Variants in DAB1 observed in about 807,000 individuals in gnomAD.
DAB1 encodes the protein disabled homolog 1.
A neutral mutation model predicts 64.6 loss-of-function variants in DAB1; 15 were observed. The observed-to-expected ratio is 0.23, with a 90% CI of 0.16 to 0.36. The LOEUF is 0.36. Ranked by LOEUF, DAB1 falls within the 10% of genes least tolerant of loss-of-function variation. The pLI, the probability that DAB1 is intolerant of heterozygous loss-of-function variation, is 1.00. For missense variants in DAB1, 596 were observed against 706.7 expected, an observed-to-expected ratio of 0.84 and a Z score of 1.78; for synonymous variants, 235 against 251.9, an observed-to-expected ratio of 0.93 and a Z score of 0.64.
intron 5 of DAB1, among the ~76,000 whole-genome samples, chr1:58,102,789 A>G (rs1393524634): frequency 6.6e-6 from 1 of 152,218 alleles, no homozygotes; most frequent in Non-Finnish European, 1.5e-5. Context: ...CTCTCGACCA[A>G]TCATTTTCAC....
At chr1:57,484,734 C>A (rs947028809) in intron 7 of DAB1, among the ~76,000 whole-genome samples, 2 of 151,812 alleles carry the variant, frequency 1.3e-5, no homozygotes, top group South Asian at 4.2e-4. Context: ...GCTAAGGTAA[C>A]CCAGGGAGAG....
chr1:57,319,108 A>G (rs1004917929), intron 1 of DAB1, among the ~76,000 whole-genome samples: 7 of 152,088 alleles, frequency 4.6e-5, no homozygotes, highest in African/African-American at 1.7e-4. Context: ...ATCTTATTGA[A>G]CCACCTTGTC....
intron 5 of DAB1, among the ~76,000 whole-genome samples, chr1:58,029,914 A>C (rs758086575): frequency 3.9e-5 from 6 of 152,218 alleles, no homozygotes; most frequent in Non-Finnish European, 7.3e-5. Context: ...GGATACAAAA[A>C]GTATGAATCG....
intron 2 of DAB1, among the ~76,000 whole-genome samples, chr1:57,204,400 C>A (rs2100291137): frequency 6.6e-6 from 1 of 150,696 alleles, no homozygotes; most frequent in Non-Finnish European, 1.5e-5. Context: ...TAAGGCACCT[C>A]CACAGACCTA....
chr1:58,441,231 C>T (rs1441384294), intron 3 of DAB1, among the ~76,000 whole-genome samples: 2 of 152,176 alleles, frequency 1.3e-5, no homozygotes, highest in African/African-American at 2.4e-5. Flanking sequence ...GGATAGATGC[C>T]ACGAACTCAG....
intron 2 of DAB1, among the ~76,000 whole-genome samples, chr1:57,189,157 C>T (rs1423681241): frequency 6.6e-6 from 1 of 152,180 alleles, no homozygotes; most frequent in Non-Finnish European, 1.5e-5. Context: ...CTACCCCTTG[C>T]AATCTGATTT....
At position 57,708,701 on chromosome 1, in the gene DAB1, C is replaced by T. The variant is rs141020931; in HGVS notation, n.552-59036G>A. Among the ~76,000 whole-genome samples the T allele has an allele frequency of 1.2e-4, 19 of 152,276 alleles. No individual in the cohort carries two copies. In the East Asian group the frequency reaches 3.3e-3, roughly 26 times the overall value. On this transcript the variant is annotated intron_variant and non_coding_transcript_variant, in intron 6 of 20. Coordinates refer to the DAB1 transcript ENST00000485760. ...GGTGCCAGCAGAATTCTGCCCTTTG[C>T]TATGTTCCACTGTGATACGACAGTA...
At chr1:58,157,137 C>T (rs780523144) in intron 4 of DAB1, among the ~76,000 whole-genome samples, 40 of 152,182 alleles carry the variant, frequency 2.6e-4, no homozygotes, top group Non-Finnish European at 1.5e-4. Flanking sequence ...CCATTTCCCT[C>T]AACCCCTGTG....
chr1:58,090,735 C>A (rs1191900512), intron 5 of DAB1, among the ~76,000 whole-genome samples: 1 of 152,130 alleles, frequency 6.6e-6, no homozygotes. Flanking sequence ...CTTGGCTGGG[C>A]ACACCAACAA....
chr1:58,407,772 G>T (rs1164484502), intron 3 of DAB1, among the ~76,000 whole-genome samples: 1 of 152,062 alleles, frequency 6.6e-6, no homozygotes, highest in Non-Finnish European at 1.5e-5. Flanking sequence ...TCCCCATCTT[G>T]TCCCCTGAAA....
chr1:57,111,196 T>C lies in DAB1; in HGVS notation c.306+25347A>G, dbSNP rs715848. Among the ~76,000 whole-genome samples the C allele has an allele frequency of 4.7e-4, 72 of 152,148 alleles. 2 individuals carry two copies. The East Asian group carries it at 0.011, about 23-fold the overall frequency. On this transcript the variant is annotated intron_variant, in intron 4 of 14. Coordinates refer to ENST00000371236, the MANE Select transcript of DAB1 (RefSeq NM_001365792.1). ...ATTGTCCAGCAGAGGAAGGAAAGGT[T>C]GACACACCCATACCCTGAGCCCCTC...
chr1:57,141,008 G>A (rs1181126737), intron 3 of DAB1, among the ~76,000 whole-genome samples: 1 of 152,104 alleles, frequency 6.6e-6, no homozygotes, highest in African/African-American at 2.4e-5. Context: ...GTGCTCTCCA[G>A]GGAACATGTA....
intron 4 of DAB1, among the ~76,000 whole-genome samples, chr1:57,120,569 A>G (rs1235154357): frequency 1.3e-5 from 2 of 152,040 alleles, no homozygotes; most frequent in Non-Finnish European, 2.9e-5. Flanking sequence ...AAACTTTTCC[A>G]TCTTTCCAAA....
intron 4 of DAB1, among the ~76,000 whole-genome samples, chr1:57,083,486 C>T (rs138891364): frequency 1.6e-4 from 24 of 152,132 alleles, no homozygotes; most frequent in East Asian, 5.8e-4. Flanking sequence ...TAAATGAATG[C>T]GCTTGAATGG....
intron 4 of DAB1, among the ~76,000 whole-genome samples, chr1:57,106,756 C>A (rs1347090854): frequency 6.6e-6 from 1 of 152,114 alleles, no homozygotes; most frequent in East Asian, 1.9e-4. Flanking sequence ...CTTCATGTCC[C>A]CGGCCCTTTC....
intron 1 of DAB1, among the ~76,000 whole-genome samples, chr1:57,339,944 G>C (rs1253559260): frequency 1.3e-5 from 2 of 151,656 alleles, no homozygotes; most frequent in Non-Finnish European, 2.9e-5. Flanking sequence ...AGCTCGGGAG[G>C]TTTGTGGAGA....
At chr1:57,185,512 T>C (rs921587889) in intron 2 of DAB1, among the ~76,000 whole-genome samples, 16 of 127,300 alleles carry the variant, frequency 1.3e-4, no homozygotes, top group Non-Finnish European at 2.6e-4. Flanking sequence ...GCAGGAATCC[T>C]AGGCAACCAA....
At chr1:57,687,418 T>A (rs903818992) in intron 6 of DAB1, among the ~76,000 whole-genome samples, 1 of 151,962 alleles carries the variant, frequency 6.6e-6, no homozygotes, top group African/African-American at 2.4e-5. Flanking sequence ...AAACACTCCA[T>A]GCTCATGAAT....
intron 7 of DAB1, among the ~76,000 whole-genome samples, chr1:57,599,149 G>C (rs1391544363): frequency 6.7e-6 from 1 of 149,548 alleles, no homozygotes; most frequent in Non-Finnish European, 1.5e-5. Flanking sequence ...TTCATTATTA[G>C]AGCTGATGCT....
Sources: gnomAD v4.1 joint callset for allele counts (sites outside exome capture counted in the v4.1 genomes callset) on GRCh38, gnomAD v4.1.1 for gene constraint, MANE v1.5 for transcripts, NCBI Gene and HGNC (gene_info 2026-07-23, HGNC 2026-07-21) for gene names.